Variants in KIAA1191 observed in about 807,000 individuals in gnomAD.
KIAA1191 encodes putative monooxygenase p33MONOX.
Under a neutral mutation model 31.1 loss-of-function variants are expected in KIAA1191, and 22 were observed. The ratio of observed to expected loss-of-function variants is 0.71; its 90% CI spans 0.51 to 1.01. The LOEUF (loss-of-function observed/expected upper bound fraction) is 1.01, where lower values mean the gene tolerates loss of function less well. Among genes scored for constraint, KIAA1191 ranks in the 50% least tolerant of loss-of-function variants. The pLI, the probability that KIAA1191 is intolerant of heterozygous loss-of-function variation, is 0.00. For synonymous variants in KIAA1191, 130 were observed against 143.9 expected (o/e 0.90, Z 0.69); for missense variants, 319 against 388.0 (o/e 0.82, Z 1.49).
At chr5:176,359,300 C>T (rs1212292443) in intron 3 of KIAA1191, among the ~76,000 whole-genome samples, 181 bp downstream of exon 3, 4 of 152,058 alleles carry the variant, frequency 2.6e-5, no homozygotes, top group Non-Finnish European at 5.9e-5. Flanking sequence ...GCCTGGGCAA[C>T]AGAGCAAGAC....
At chr5:176,353,097 A>G (rs1581365340) in intron 4 of KIAA1191, 1 of 184,872 alleles carries the variant, frequency 5.4e-6, no homozygotes, top group Non-Finnish European at 1.2e-5. Context: ...CATCCCAGGC[A>G]CTATGCTAGA....
At position 176,347,596 on chromosome 5, in the gene KIAA1191, G is replaced by C. The variant is rs1351286230; in HGVS notation, c.*4C>G. 2 of 1,476,424 alleles carry C rather than the reference G, an allele frequency of 1.4e-6. No homozygotes were observed. Among genetic ancestry groups the C allele is most frequent in the South Asian group, 3.0e-5 (2 of 66,474 alleles). 91.5% of individuals were successfully genotyped at this position (1,476,424 alleles called of 1,614,324 possible). On this transcript the variant is annotated 3_prime_UTR_variant, in exon 9 of 9. Transcript: ENST00000298569. ...CCTTTACCAGAATCCCTGGAAAGAG[G>C]GCTCTAGAAGCCAGTGGGTGTGAGC... is the stretch of plus-strand genomic sequence containing the variant.
In KIAA1191 at chr5:176,355,517, A is replaced by G; in HGVS notation, c.207+54T>C. 1 of 1,553,918 alleles carries G rather than the reference A, an allele frequency of 6.4e-7. No homozygotes were observed. Among genetic ancestry groups the G allele is most frequent in the Non-Finnish European group, 8.8e-7 (1 of 1,139,656 alleles). ...GGGAGCCACTGAAGGCTTCTGGAGC[A>G]GAGGAAGGACAAAGGGGTTGCGTAT... is the stretch of plus-strand genomic sequence containing the variant. On this transcript the variant is annotated intron_variant, in intron 4 of 8. Coordinates refer to ENST00000298569, the MANE Select transcript of KIAA1191 (RefSeq NM_020444.5). This position sits in a 1 kb window ranked among gnomAD's most constrained non-coding sequence, Gnocchi z 4.2.
intron 6 of KIAA1191, 102 bp from the exon 7 acceptor site, chr5:176,348,458 AGAAGACATCTACAGGTGGAAT>A: frequency 1.3e-6 from 1 of 752,204 alleles, no homozygotes; most frequent in South Asian, 1.7e-5. Flanking sequence ...AACTTTAGGC[AGAAGACATCTACAGGTGGAAT>A]GATTTCGGAT....
chr5:176,347,908 G>T lies in KIAA1191; in HGVS notation c.709+13C>A. 6.2e-7 allele frequency: 1 copy of T among 1,613,706 alleles called. No individual in the cohort carries two copies. The highest frequency in any genetic ancestry group is 8.5e-7 in the Non-Finnish European group (1 of 1,179,904). ...CTGCCATGCTGCTCTCTTTTTTGAA[G>T]GTGCTGCCTTACCAGAATCGTACTT... On this transcript the variant is annotated intron_variant, in intron 8 of 8. Transcript: ENST00000298569.
intron 3 of KIAA1191, among the ~76,000 whole-genome samples, chr5:176,357,957 C>T (rs1471090897): frequency 2.0e-5 from 3 of 152,118 alleles, no homozygotes; most frequent in Non-Finnish European, 4.4e-5. Context: ...ATTTTTAACT[C>T]CTGTTTTTAC....
At chr5:176,358,127 C>T (rs1767660336) in intron 3 of KIAA1191, among the ~76,000 whole-genome samples, 1 of 152,104 alleles carries the variant, frequency 6.6e-6, no homozygotes, top group African/African-American at 2.4e-5. Context: ...GTGTCAATAA[C>T]CCAGAACTTG....
chr5:176,360,390 T>G (rs951672190), intron 1 of KIAA1191, among the ~76,000 whole-genome samples: 6 of 151,844 alleles, frequency 4.0e-5, no homozygotes, highest in Non-Finnish European at 7.4e-5. Context: ...TCTCCTGACC[T>G]TGCGATCCGC....
intron 3 of KIAA1191, chr5:176,357,089 TG>T: frequency 6.6e-6 from 1 of 152,266 alleles, no homozygotes; most frequent in Non-Finnish European, 1.5e-5. Context: ...GTGGATCACC[TG>T]AGGTCAGGCG....
At chr5:176,356,625 C>T (rs1217302090) in intron 3 of KIAA1191, among the ~76,000 whole-genome samples, 7 of 152,206 alleles carry the variant, frequency 4.6e-5, no homozygotes, top group African/African-American at 9.6e-5. Flanking sequence ...CCCAGCATGT[C>T]GGGTTGTGAT....
intron 1 of KIAA1191, among the ~76,000 whole-genome samples, chr5:176,360,358 G>A (rs916434266): frequency 7.9e-5 from 12 of 151,446 alleles, no homozygotes; most frequent in African/African-American, 2.7e-4. Flanking sequence ...GGGTTTCACC[G>A]CACTAGCCAG....
chr5:176,352,955 C>T (rs1355682104), intron 4 of KIAA1191, among the ~76,000 whole-genome samples: 1 of 152,198 alleles, frequency 6.6e-6, no homozygotes, highest in Non-Finnish European at 1.5e-5. Flanking sequence ...GAATAGTTTA[C>T]ATTTATAAAG....
At chr5:176,360,422 C>A (rs559263257) in intron 1 of KIAA1191, among the ~76,000 whole-genome samples, 11 of 151,846 alleles carry the variant, frequency 7.2e-5, no homozygotes, top group Non-Finnish European at 1.3e-4. Context: ...TCCCAAAGTG[C>A]TAGGATTACA....
At chr5:176,360,711 G>A (rs1264113053) in intron 1 of KIAA1191, among the ~76,000 whole-genome samples, 2 of 151,964 alleles carry the variant, frequency 1.3e-5, no homozygotes, top group Non-Finnish European at 2.9e-5. Flanking sequence ...TGAGGCAGGA[G>A]AATAGCTTGA....
At chr5:176,358,084 T>C (rs1364174893) in intron 3 of KIAA1191, among the ~76,000 whole-genome samples, 3 of 152,188 alleles carry the variant, frequency 2.0e-5, no homozygotes, top group Non-Finnish European at 4.4e-5. Context: ...ATCACTTTCC[T>C]TTCTCATAAA....
rs1767452300 is a variant in KIAA1191, at chr5:176,355,682, G to A, written c.96C>T (p.Ser32=). 1 of 1,613,528 alleles carries A rather than the reference G, an allele frequency of 6.2e-7. No individual in the cohort carries two copies. Among genetic ancestry groups the A allele is most frequent in the African/African-American group, 1.3e-5 (1 of 74,918 alleles). The part of the protein sequence containing the change: ...LPIGIYRRAV[S]YDDTLEDPAP... Reference sequence around the variant, plus strand: ...CAGGGTCCTCGAGGGTATCATCATAGCTGACTGCCCGGCGGTATATCCCGA... The same window carrying A: ...CAGGGTCCTCGAGGGTATCATCATAACTGACTGCCCGGCGGTATATCCCGA... Residue 32 remains serine (S), a synonymous_variant, in exon 4 of 9, where the codon AGC becomes AGT. Transcript: ENST00000298569. The surrounding 1 kb of genome is among the most constrained non-coding windows in gnomAD (Gnocchi z 4.2).
chr5:176,354,759 T>C (rs990977851), intron 4 of KIAA1191, among the ~76,000 whole-genome samples: 2 of 151,786 alleles, frequency 1.3e-5, no homozygotes, highest in Non-Finnish European at 2.9e-5. Context: ...CAGATAAGAG[T>C]ACAAACCTAG....
At chr5:176,352,495 C>T in intron 5 of KIAA1191, 127 bp downstream of exon 5, 1 of 1,117,436 alleles carries the variant, frequency 8.9e-7, no homozygotes, top group Non-Finnish European at 1.3e-6. Flanking sequence ...GATTCAGCAG[C>T]CAAACTGACA....
chr5:176,354,752 A>C (rs1288963489), intron 4 of KIAA1191, among the ~76,000 whole-genome samples: 1 of 152,168 alleles, frequency 6.6e-6, no homozygotes, highest in Non-Finnish European at 1.5e-5. Flanking sequence ...GATCCTGCAG[A>C]TAAGAGTACA....
Sources: allele counts gnomAD v4.1 joint callset (sites outside exome capture counted in the v4.1 genomes callset), GRCh38; gene constraint gnomAD v4.1.1; non-coding constraint Gnocchi (gnomAD v3.1); transcripts MANE v1.5; gene names NCBI Gene and HGNC (gene_info 2026-07-23, HGNC 2026-07-21).